BEND7: variants seen among roughly 807,000 people sequenced by gnomAD.
BEND7 encodes BEN domain-containing protein 7.
A neutral mutation model predicts 50.9 loss-of-function variants in BEND7; 28 were observed. The ratio of observed to expected loss-of-function variants is 0.55; its 90% CI spans 0.41 to 0.75. The LOEUF (loss-of-function observed/expected upper bound fraction) is 0.75, where lower values mean the gene tolerates loss of function less well. BEND7 is among the 30% of genes least tolerant of loss of function. BEND7 has a pLI of 0.00. For synonymous variants in BEND7, 170 were observed against 183.9 expected (o/e 0.92, Z 0.61); for missense variants, 477 against 491.3 (o/e 0.97, Z 0.28).
chr10:13,510,872 A>G (rs1024769860), intron 2 of BEND7, among the ~76,000 whole-genome samples: 2 of 147,548 alleles, frequency 1.4e-5, no homozygotes, highest in African/African-American at 4.9e-5. Context: ...GATTGGATTT[A>G]AAAAAAAAAA....
intron 5 of BEND7, among the ~76,000 whole-genome samples, chr10:13,490,185 A>G (rs1323624467): frequency 6.6e-6 from 1 of 152,260 alleles, no homozygotes; most frequent in Non-Finnish European, 1.5e-5. Flanking sequence ...TACGAGTCAC[A>G]ACGCAAAAAG....
chr10:13,456,094 C>G (rs1838896939), intron 6 of BEND7, among the ~76,000 whole-genome samples: 1 of 152,044 alleles, frequency 6.6e-6, no homozygotes, highest in Admixed American at 6.6e-5. Context: ...GAAGGTGTGA[C>G]CGGGCATGAA....
intron 6 of BEND7, among the ~76,000 whole-genome samples, chr10:13,477,299 C>G (rs1023784639): frequency 1.3e-5 from 2 of 152,154 alleles, no homozygotes; most frequent in African/African-American, 4.8e-5. Context: ...ACTATTGGGA[C>G]ATTATCCCAC....
At chr10:13,447,044 T>A (rs1022660628) in intron 8 of BEND7, 3 of 569,092 alleles carry the variant, frequency 5.3e-6, no homozygotes, top group Non-Finnish European at 9.2e-6. Context: ...TCTTCTGAGA[T>A]TTTTATGAAA....
chr10:13,462,662 G>C (rs781402204), intron 6 of BEND7, among the ~76,000 whole-genome samples: 48 of 152,026 alleles, frequency 3.2e-4, no homozygotes, highest in Admixed American at 1.0e-3. Context: ...AACAGATAAG[G>C]GATACAAAGG....
intron 6 of BEND7, among the ~76,000 whole-genome samples, chr10:13,462,420 T>G (rs1208205140): frequency 6.6e-6 from 1 of 152,204 alleles, no homozygotes; most frequent in East Asian, 1.9e-4. Context: ...AAGAACAGTA[T>G]GGGGGAACCA....
At chr10:13,475,595 A>C (rs1432203891) in intron 6 of BEND7, among the ~76,000 whole-genome samples, 1 of 152,232 alleles carries the variant, frequency 6.6e-6, no homozygotes, top group Non-Finnish European at 1.5e-5. Flanking sequence ...TAGTAAAAAA[A>C]TTGATGTATA....
At chr10:13,503,406 T>G (rs1325514482) in intron 2 of BEND7, among the ~76,000 whole-genome samples, 2 of 152,158 alleles carry the variant, frequency 1.3e-5, no homozygotes, top group Non-Finnish European at 2.9e-5. Flanking sequence ...GTGGCATGTT[T>G]TAAAGGATGG....
chr10:13,453,747 A>G (rs1838311624), intron 6 of BEND7, among the ~76,000 whole-genome samples: 1 of 152,254 alleles, frequency 6.6e-6, no homozygotes, highest in South Asian at 2.1e-4. Context: ...TACTAAAATC[A>G]GAAAAACAAT....
chr10:13,484,558 C>A (rs75911364), intron 5 of BEND7, among the ~76,000 whole-genome samples: 2,081 of 152,314 alleles, frequency 0.014, 51 homozygotes, highest in African/African-American at 0.047. Context: ...GAAACCAACA[C>A]TCTTCCAAAT....
At chr10:13,490,333 A>G (rs2131959911) in intron 5 of BEND7, among the ~76,000 whole-genome samples, 2 of 152,272 alleles carry the variant, frequency 1.3e-5, no homozygotes, top group South Asian at 4.1e-4. Context: ...AGGATATGAA[A>G]TTCACTTTTC....
chr10:13,446,981 G>A (rs1385441833), intron 8 of BEND7: 4 of 436,168 alleles, frequency 9.2e-6, no homozygotes, highest in South Asian at 8.5e-5. Context: ...ATTTTGTAAT[G>A]TCCAAAGGTT....
At chr10:13,457,099 T>C (rs2131175168) in intron 6 of BEND7, among the ~76,000 whole-genome samples, 1 of 152,346 alleles carries the variant, frequency 6.6e-6, no homozygotes, top group South Asian at 2.1e-4. Context: ...CTTGTAATAT[T>C]ATTTATACAG....
chr10:13,528,589 CA>C lies in BEND7; in HGVS notation c.-57del. ...GAGGCGGCGGCAGCGGCGGCAGCGG[CA>C]GCGGCGGCAGCGGCAGCGGCGGCGC... On this transcript the variant is annotated 5_prime_UTR_variant, in exon 1 of 9. Coordinates refer to ENST00000466271, the MANE Select transcript of BEND7 (RefSeq NM_001369863.1). The C allele has an allele frequency of 4.7e-6, 4 of 844,634 alleles. No individual in the cohort carries two copies. The highest frequency in any genetic ancestry group is 5.6e-6 in the Non-Finnish European group (4 of 709,614). The allele number at this position is 844,634 out of a possible 1,614,324, so 52.3% of individuals were successfully genotyped here.
At chr10:13,449,057 G>A (rs1837102619) in intron 7 of BEND7, among the ~76,000 whole-genome samples, 1 of 151,138 alleles carries the variant, frequency 6.6e-6, no homozygotes, top group Non-Finnish European at 1.5e-5. Flanking sequence ...GTGTGATTAA[G>A]ATTCTGGAAA....
intron 2 of BEND7, chr10:13,500,555 T>TGGACTGGCAG: frequency 2.0e-6 from 2 of 990,158 alleles, no homozygotes; most frequent in Non-Finnish European, 2.4e-6. Context: ...GAAGAAAGCC[T>TGGACTGGCAG]GGACTGGCAG....
intron 2 of BEND7, chr10:13,500,370 G>T: frequency 2.0e-6 from 1 of 489,244 alleles, no homozygotes; most frequent in Non-Finnish European, 3.0e-6. Flanking sequence ...CTCTTTGGAA[G>T]CATTTTCTGA....
At chr10:13,472,933 T>G (rs2075029610) in intron 6 of BEND7, among the ~76,000 whole-genome samples, 1 of 150,720 alleles carries the variant, frequency 6.6e-6, no homozygotes, top group African/African-American at 2.4e-5. Context: ...GGCCAATATC[T>G]GTCATCACTG....
At chr10:13,461,162 G>T (rs1047238495) in intron 6 of BEND7, among the ~76,000 whole-genome samples, 1 of 152,206 alleles carries the variant, frequency 6.6e-6, no homozygotes, top group Non-Finnish European at 1.5e-5. Flanking sequence ...GGAGAAAGAA[G>T]GTGGAGAATG....
Sources: gnomAD v4.1 joint callset for allele counts (sites outside exome capture counted in the v4.1 genomes callset) on GRCh38, gnomAD v4.1.1 for gene constraint, MANE v1.5 for transcripts, NCBI Gene and HGNC (gene_info 2026-07-23, HGNC 2026-07-21) for gene names.